DAAM2: variants seen among roughly 807,000 people sequenced by gnomAD.
DAAM2 encodes the protein disheveled-associated activator of morphogenesis 2.
In DAAM2, 39 loss-of-function variants were observed where a neutral mutation model predicts 120.7. The observed-to-expected ratio is 0.32, with a 90% CI of 0.25 to 0.42. DAAM2 has a LOEUF of 0.42. Among genes scored for constraint, DAAM2 ranks in the 10% least tolerant of loss-of-function variants. The pLI is 1.00. For synonymous variants in DAAM2, 488 were observed against 524.9 expected, an observed-to-expected ratio of 0.93 and a Z score of 0.96; for missense variants, 1,283 against 1,401.7, an observed-to-expected ratio of 0.92 and a Z score of 1.35.
At chr6:39,795,051 G>T (rs949222792) in intron 1 of DAAM2, among the ~76,000 whole-genome samples, 1 of 152,160 alleles carries the variant, frequency 6.6e-6, no homozygotes, top group African/African-American at 2.4e-5. Context: ...TGATGCTTCT[G>T]GGCTTGTACT....
intron 1 of DAAM2, among the ~76,000 whole-genome samples, chr6:39,792,701 G>A (rs1029934457): frequency 2.6e-5 from 4 of 152,354 alleles, no homozygotes; most frequent in Middle Eastern, 3.4e-3. Flanking sequence ...GTGTATGAGT[G>A]TGATTGCGTG....
chr6:39,843,649 A>AAGCGCAGGGCCCTTCTGAGTG (rs1562020445), intron 1 of DAAM2, among the ~76,000 whole-genome samples: 1 of 152,250 alleles, frequency 6.6e-6, no homozygotes, highest in African/African-American at 2.4e-5. Flanking sequence ...GCTTTAAACC[A>AAGCGCAGGGCCCTTCTGAGTG]AGCGCAGGGC....
intron 1 of DAAM2, among the ~76,000 whole-genome samples, chr6:39,802,842 C>T (rs1041163394): frequency 6.6e-6 from 1 of 152,184 alleles, no homozygotes; most frequent in East Asian, 1.9e-4. Flanking sequence ...TCCACCACCC[C>T]AGCCCTGCCC....
At chr6:39,899,412 C>T (rs532019469) in intron 22 of DAAM2, among the ~76,000 whole-genome samples, 35 of 152,316 alleles carry the variant, frequency 2.3e-4, no homozygotes, top group Non-Finnish European at 4.7e-4. Context: ...ATCTCTGGCC[C>T]TAGCCTTCCA....
intron 1 of DAAM2, among the ~76,000 whole-genome samples, chr6:39,843,326 G>A (rs1371527098): frequency 2.0e-5 from 3 of 152,142 alleles, no homozygotes; most frequent in Non-Finnish European, 2.9e-5. Context: ...GGGTGCGATG[G>A]GGAAGAAAGA....
intron 1 of DAAM2, chr6:39,849,071 G>C (rs972699700): frequency 6.6e-6 from 1 of 152,192 alleles, no homozygotes; most frequent in Non-Finnish European, 1.5e-5. Flanking sequence ...TGAAATCGGT[G>C]TTTCTGTGGA....
At chr6:39,834,100 A>G (rs978733802) in intron 1 of DAAM2, among the ~76,000 whole-genome samples, 3 of 152,170 alleles carry the variant, frequency 2.0e-5, no homozygotes, top group African/African-American at 7.2e-5. Context: ...GTCTTGGGGT[A>G]ATGGCTCTTT....
In DAAM2 at chr6:39,897,596, A is replaced by C. The variant is rs148347706; in HGVS notation, c.2618+314A>C. 3.2e-3 allele frequency among the ~76,000 whole-genome samples: 492 copies of C among 152,282 alleles called. 2 individuals are homozygous for C. Among genetic ancestry groups the C allele is most frequent in the African/African-American group, 0.011 (472 of 41,542 alleles). On this transcript the variant is annotated intron_variant, in intron 21 of 24. Transcript: ENST00000274867. ...ACCAGGAAGACTCCCAGTATGGGAG[A>C]CTTACACGATTATTCATAAAGAGGT...
At chr6:39,826,156 G>A (rs751167964) in intron 1 of DAAM2, among the ~76,000 whole-genome samples, 5 of 152,194 alleles carry the variant, frequency 3.3e-5, no homozygotes, top group African/African-American at 7.2e-5. Context: ...ATAAACACAC[G>A]GCTGGCATCT....
intron 19 of DAAM2, among the ~76,000 whole-genome samples, chr6:39,893,811 A>C (rs900276670): frequency 6.6e-6 from 1 of 152,206 alleles, no homozygotes; most frequent in Non-Finnish European, 1.5e-5. Context: ...AGGATTGTGC[A>C]AAGATGGGAT....
intron 19 of DAAM2, among the ~76,000 whole-genome samples, chr6:39,895,928 T>C (rs1410996720): frequency 6.6e-6 from 1 of 152,214 alleles, no homozygotes; most frequent in Non-Finnish European, 1.5e-5. Flanking sequence ...CAACAGGATG[T>C]CAAGTAGCTT....
At position 39,856,436 on chromosome 6, in the gene DAAM2, C is replaced by T. The variant is rs368227414; in HGVS notation, c.134C>T (p.Ala45Val). 4 of 1,488,466 alleles carry T rather than the reference C, an allele frequency of 2.7e-6. No homozygotes were observed. Among genetic ancestry groups the T allele is most frequent in the Non-Finnish European group, 3.6e-6 (4 of 1,117,732 alleles). The allele number at this position is 1,488,466 out of a possible 1,614,324, so 92.2% of individuals were successfully genotyped here. Residue 45 changes from alanine (A) to valine (V), a missense_variant, in exon 2 of 25, where the codon GCA becomes GTA. Ala to Val is a moderately conservative substitution (Grantham distance 64). Around this residue, in one of 3 missense-constraint regions of DAAM2, gnomAD observed 197 missense variants for 189.3 expected, o/e 1.04. Transcript: ENST00000274867. The stretch of plus-strand genomic sequence containing the variant: ...GAGTTCTCCAGCCCCATCCCGAACG[C>T]AGAGGAGCTCAACATCCGCTTTGCA... Reference protein sequence around the residue: ...FMEFSSPIPNAEELNIRFAEL... With the variant: ...FMEFSSPIPNVEELNIRFAEL...
intron 2 of DAAM2, among the ~76,000 whole-genome samples, chr6:39,858,515 C>T (rs983502176): frequency 6.6e-6 from 1 of 151,998 alleles, no homozygotes; most frequent in African/African-American, 2.4e-5. Context: ...ATATTGGGGC[C>T]CTGGGCAGGA....
chr6:39,889,803 G>A (rs755294437), intron 17 of DAAM2, among the ~76,000 whole-genome samples: 1 of 152,152 alleles, frequency 6.6e-6, no homozygotes, highest in Non-Finnish European at 1.5e-5. Flanking sequence ...AACACAGTAA[G>A]CTAAAGAAAA....
intron 16 of DAAM2, chr6:39,888,300 G>C (rs369164115): frequency 6.3e-6 from 1 of 159,758 alleles, no homozygotes; most frequent in African/African-American, 2.4e-5. Flanking sequence ...GTGGCTTGCC[G>C]ATAATCCTGT....
chr6:39,880,948 G>A (rs765022863), intron 14 of DAAM2, among the ~76,000 whole-genome samples: 4 of 152,196 alleles, frequency 2.6e-5, no homozygotes, highest in Non-Finnish European at 4.4e-5. Flanking sequence ...TGCAGAACGT[G>A]CAGAAAGGTT....
At chr6:39,883,412 T>C (rs931593713) in intron 14 of DAAM2, 1 of 152,962 alleles carries the variant, frequency 6.5e-6, no homozygotes, top group African/African-American at 2.4e-5. Flanking sequence ...GTCCCAAACT[T>C]TGGTATTTGT....
intron 1 of DAAM2, among the ~76,000 whole-genome samples, chr6:39,809,149 G>T (rs1204970984): frequency 1.3e-5 from 2 of 152,220 alleles, no homozygotes; most frequent in African/African-American, 4.8e-5. Flanking sequence ...AGAGCAAGGA[G>T]TGGTGTCGTC....
At position 39,856,484 on chromosome 6, in the gene DAAM2, T is replaced by G. The variant is rs6936815; in HGVS notation, c.168+14T>G. On this transcript the variant is annotated intron_variant, in intron 2 of 24. Transcript: ENST00000274867. The stretch of plus-strand genomic sequence containing the variant: ...GCAGAGCTGGTGGTCAGTGAGAGGG[T>G]GGGGAGAGACAGTGACAATGGGGAG... The G allele has an allele frequency of 2.5e-4, 360 of 1,425,576 alleles. 3 individuals carry two copies. The African/African-American group carries it at 4.8e-3, about 19-fold the overall frequency. The allele number at this position is 1,425,576 out of a possible 1,614,324, so 88.3% of individuals were successfully genotyped here.
Sources: allele counts gnomAD v4.1 joint callset (sites outside exome capture counted in the v4.1 genomes callset), GRCh38; gene constraint gnomAD v4.1.1; regional missense constraint gnomAD v4.1.1; transcripts MANE v1.5; gene names NCBI Gene and HGNC (gene_info 2026-07-23, HGNC 2026-07-21).